The following LIX1 variants were observed in gnomAD, a reference collection of about 807,000 sequenced individuals.
LIX1 encodes the protein limb and CNS expressed 1.
A neutral mutation model predicts 33.4 loss-of-function variants in LIX1; 24 were observed. That is an observed-to-expected ratio of 0.72 (90% CI 0.52 to 1.01). The LOEUF (loss-of-function observed/expected upper bound fraction) is 1.01. Ranked by LOEUF, LIX1 falls within the 50% of genes least tolerant of loss-of-function variation. LIX1 has a pLI of 0.00. For missense variants in LIX1, 311 were observed against 339.2 expected (o/e 0.92, Z 0.65); for synonymous variants, 124 against 124.0 (o/e 1.00, Z 0.00).
intron 4 of LIX1, chr5:97,102,017 T>TGAC (rs1288657437): frequency 1.3e-5 from 2 of 152,124 alleles, no homozygotes; most frequent in Admixed American, 1.3e-4. Flanking sequence ...AATCTGACCC[T>TGAC]GACAAGACCC....
intron 4 of LIX1, among the ~76,000 whole-genome samples, chr5:97,097,445 T>C (rs1746444921): frequency 6.6e-6 from 1 of 152,238 alleles, no homozygotes; most frequent in Non-Finnish European, 1.5e-5. Context: ...GTGCTACTAT[T>C]TGCTTAAGAA....
intron 4 of LIX1, among the ~76,000 whole-genome samples, chr5:97,100,210 C>T (rs998966456): frequency 2.0e-5 from 3 of 152,210 alleles, no homozygotes; most frequent in Admixed American, 6.5e-5. Flanking sequence ...AAAACCCTTT[C>T]TCATGCCCCT....
intron 1 of LIX1, among the ~76,000 whole-genome samples, chr5:97,134,628 C>T (rs1356669965): frequency 6.6e-6 from 1 of 152,200 alleles, no homozygotes; most frequent in Admixed American, 6.5e-5. Context: ...GAACCCTAAA[C>T]AATTGAAAGG....
chr5:97,134,078 C>A (rs1580247474), intron 1 of LIX1, among the ~76,000 whole-genome samples: 1 of 152,126 alleles, frequency 6.6e-6, no homozygotes, highest in Non-Finnish European at 1.5e-5. Context: ...GGAAAGGCTG[C>A]CATTTAAGGA....
intron 2 of LIX1, among the ~76,000 whole-genome samples, chr5:97,119,043 T>G (rs138460704): frequency 1.4e-3 from 207 of 152,348 alleles, no homozygotes; most frequent in African/African-American, 4.9e-3. Context: ...AAGTTCAGTC[T>G]GAATACTACT....
chr5:97,109,693 A>G lies in LIX1; in HGVS notation c.247-2193T>C, dbSNP rs200336336. 1.9e-4 allele frequency among the ~76,000 whole-genome samples: 29 copies of G among 151,460 alleles called. No homozygotes were observed. In the East Asian group the frequency reaches 4.6e-3, roughly 24 times the overall value. On this transcript the variant is annotated intron_variant, in intron 2 of 5. Transcript: ENST00000274382. ...CTGGGAATTTGGTGCACCTGTCACC[A>G]GAACAGTATACTCTGTATCCAATAT... is the stretch of plus-strand genomic sequence containing the variant.
At chr5:97,141,170 G>T (rs75080774) in intron 1 of LIX1, among the ~76,000 whole-genome samples, 2 of 152,004 alleles carry the variant, frequency 1.3e-5, no homozygotes, top group East Asian at 3.9e-4. Flanking sequence ...CTCAGCATAA[G>T]AACCCTGGTC....
intron 2 of LIX1, among the ~76,000 whole-genome samples, chr5:97,122,852 C>G (rs775940077): frequency 3.3e-5 from 5 of 152,190 alleles, no homozygotes; most frequent in Non-Finnish European, 5.9e-5. Context: ...TACTTCTAAA[C>G]CCCTATTTTA....
At chr5:97,123,335 C>T (rs1448432805) in intron 2 of LIX1, among the ~76,000 whole-genome samples, 1 of 152,146 alleles carries the variant, frequency 6.6e-6, no homozygotes, top group Non-Finnish European at 1.5e-5. Context: ...TTCATACTTT[C>T]TTCGTCCTCA....
chr5:97,119,678 G>A lies in LIX1; in HGVS notation c.246+4788C>T, dbSNP rs551471864. Among the ~76,000 whole-genome samples, 12 of 152,154 alleles carry A rather than the reference G, an allele frequency of 7.9e-5. No individual in the cohort carries two copies. The East Asian group carries it at 2.3e-3, about 29-fold the overall frequency. The stretch of plus-strand genomic sequence containing the variant: ...AGAAAAGGGGACCCTAAAATGATCA[G>A]AGAAATCAGCAAGAGGCCTCCCTGC... On this transcript the variant is annotated intron_variant, in intron 2 of 5. Transcript: ENST00000274382.
chr5:97,105,319 G>A (rs2112762877), intron 3 of LIX1, 34 bp from the exon 4 acceptor site: 1 of 1,537,614 alleles, frequency 6.5e-7, no homozygotes, highest in East Asian at 2.2e-5. Context: ...AAAAATTACT[G>A]ATTTTTCCTC....
intron 3 of LIX1, among the ~76,000 whole-genome samples, chr5:97,106,046 C>G (rs1255434890): frequency 1.3e-5 from 2 of 152,248 alleles, no homozygotes; most frequent in East Asian, 3.8e-4. Context: ...CATTAACACA[C>G]TGCTGCTGAA....
intron 4 of LIX1, among the ~76,000 whole-genome samples, chr5:97,100,369 T>G (rs1223751133): frequency 1.3e-5 from 2 of 152,192 alleles, no homozygotes; most frequent in Non-Finnish European, 1.5e-5. Context: ...GTAACACAAC[T>G]GCCACTTCCT....
At position 97,094,845 on chromosome 5, in the gene LIX1, A is replaced by C. The variant is rs1240754849; in HGVS notation, c.752T>G (p.Ile251Arg). 6.2e-7 allele frequency: 1 copy of C among 1,614,070 alleles called. No individual in the cohort carries two copies. Among genetic ancestry groups the C allele is most frequent in the Non-Finnish European group, 8.5e-7 (1 of 1,180,010 alleles). Residue 251 changes from isoleucine to arginine, a missense_variant, in exon 6 of 6, where the codon ATA becomes AGA. Physicochemically the swap from Ile to Arg is moderately conservative, Grantham distance 97 (BLOSUM62 -3). Transcript: ENST00000274382. ...ELRFYKEKKE[I>R]LSLALTQICS... ...GATCTGAGTCAGGGCTAAGCTCAAT[A>C]TTTCTTTCTTTTCTTTGTAAAACCG... is the stretch of plus-strand genomic sequence containing the variant.
chr5:97,121,999 A>C (rs1053200097), intron 2 of LIX1, among the ~76,000 whole-genome samples: 1 of 152,062 alleles, frequency 6.6e-6, no homozygotes, highest in East Asian at 1.9e-4. Flanking sequence ...CCTCTTCCTC[A>C]ATGGCTGCCT....
chr5:97,116,038 TG>T, intron 2 of LIX1, among the ~76,000 whole-genome samples: 1 of 152,168 alleles, frequency 6.6e-6, no homozygotes, highest in Non-Finnish European at 1.5e-5. Flanking sequence ...ATTTTGCTTT[TG>T]TGACTTGGAG....
intron 1 of LIX1, among the ~76,000 whole-genome samples, chr5:97,137,558 G>T (rs1013701690): frequency 2.0e-5 from 3 of 151,816 alleles, no homozygotes; most frequent in African/African-American, 2.4e-5. Context: ...AAATAATTAG[G>T]CCCTATGATA....
chr5:97,116,726 A>T (rs1309694831), intron 2 of LIX1, among the ~76,000 whole-genome samples: 1 of 151,568 alleles, frequency 6.6e-6, no homozygotes, highest in Non-Finnish European at 1.5e-5. Flanking sequence ...TAAGGTGTAG[A>T]CAAGACGAAT....
At chr5:97,136,342 G>A (rs998205747) in intron 1 of LIX1, among the ~76,000 whole-genome samples, 16 of 150,634 alleles carry the variant, frequency 1.1e-4, no homozygotes, top group African/African-American at 3.8e-4. Context: ...GGAGTCAGAA[G>A]ATAAATGGCT....
Sources: gnomAD v4.1 joint callset for allele counts (sites outside exome capture counted in the v4.1 genomes callset) on GRCh38, gnomAD v4.1.1 for gene constraint, MANE v1.5 for transcripts, NCBI Gene and HGNC (gene_info 2026-07-23, HGNC 2026-07-21) for gene names.